The following OSBPL6 variants were observed in gnomAD, a reference collection of about 807,000 sequenced individuals.
OSBPL6 encodes the protein oxysterol-binding protein-related protein 6.
A neutral mutation model predicts 125.8 loss-of-function variants in OSBPL6; 49 were observed. The ratio of observed to expected loss-of-function variants is 0.39; its 90% CI spans 0.31 to 0.49. OSBPL6 has a LOEUF of 0.49. Ranked by LOEUF, OSBPL6 falls within the 20% of genes least tolerant of loss-of-function variation. OSBPL6 has a pLI of 0.88. For synonymous variants in OSBPL6, 394 were observed against 391.8 expected, an observed-to-expected ratio of 1.01 and a Z score of -0.07; for missense variants, 986 against 1,135.4, an observed-to-expected ratio of 0.87 and a Z score of 1.89.
chr2:178,330,932 CCT>C (rs996916071), intron 5 of OSBPL6, among the ~76,000 whole-genome samples: 2 of 152,102 alleles, frequency 1.3e-5, no homozygotes, highest in Non-Finnish European at 2.9e-5. Context: ...GCCAAAAACC[CCT>C]CTCTTTTTTT....
intron 1 of OSBPL6, among the ~76,000 whole-genome samples, chr2:178,236,375 GA>G (rs1267900663): frequency 6.6e-6 from 1 of 152,188 alleles, no homozygotes; most frequent in Non-Finnish European, 1.5e-5. Flanking sequence ...AGTGGTCAAA[GA>G]ATTCACAATG....
At chr2:178,329,503 C>G (rs1435867852) in intron 5 of OSBPL6, among the ~76,000 whole-genome samples, 5 of 151,924 alleles carry the variant, frequency 3.3e-5, no homozygotes, top group Non-Finnish European at 7.4e-5. Flanking sequence ...CAACCTCCAC[C>G]TCTCGGGTTC....
chr2:178,244,937 G>A (rs980802598), intron 1 of OSBPL6, among the ~76,000 whole-genome samples: 1 of 152,164 alleles, frequency 6.6e-6, no homozygotes, highest in Non-Finnish European at 1.5e-5. Flanking sequence ...TATTATCTCC[G>A]TAATAAAAAG....
At position 178,395,481 on chromosome 2, in the gene OSBPL6, C is replaced by T. The variant is rs1474736435; in HGVS notation, c.2727C>T (p.Ala909=). Residue 909 remains alanine, a synonymous_variant, in exon 25 of 25, where the codon GCC becomes GCT. Coordinates refer to ENST00000190611, the MANE Select transcript of OSBPL6 (RefSeq NM_032523.4). ...TTATTGATGCCAATCAAAGAGAAGC[C>T]TGGGTTTCTAACGACACCTACTGGG... ...KKVIDANQRE[A]WVSNDTYWEL... is the part of the protein sequence containing the mutation. 1.2e-6 allele frequency: 2 copies of T among 1,613,678 alleles called. No homozygotes were observed. The highest frequency in any genetic ancestry group is 4.5e-5 in the East Asian group (2 of 44,852).
At chr2:178,372,324 C>T (rs1693467660) in intron 14 of OSBPL6, 91 bp downstream of exon 14, 5 of 846,246 alleles carry the variant, frequency 5.9e-6, no homozygotes, top group Non-Finnish European at 9.1e-6. Flanking sequence ...AGTTCTTTCA[C>T]AGTTAATAAG....
At chr2:178,353,259 A>G (rs1041006862) in intron 12 of OSBPL6, among the ~76,000 whole-genome samples, 5 of 152,228 alleles carry the variant, frequency 3.3e-5, no homozygotes, top group African/African-American at 7.2e-5. Flanking sequence ...ATGAGTTGGC[A>G]TAAGTAGGCT....
At chr2:178,294,770 T>C (rs1648378434) in intron 2 of OSBPL6, among the ~76,000 whole-genome samples, 2 of 150,778 alleles carry the variant, frequency 1.3e-5, no homozygotes, top group East Asian at 2.0e-4. Context: ...CAAATCAAAA[T>C]TGTATATTTT....
intron 15 of OSBPL6, among the ~76,000 whole-genome samples, chr2:178,377,434 T>C (rs1245042220): frequency 6.6e-6 from 1 of 152,110 alleles, no homozygotes; most frequent in Non-Finnish European, 1.5e-5. Context: ...AGGCCCCACC[T>C]CCAACACTGG....
intron 16 of OSBPL6, 113 bp downstream of exon 16, chr2:178,382,620 CT>C: frequency 8.5e-7 from 1 of 1,171,532 alleles, no homozygotes; most frequent in Non-Finnish European, 1.2e-6. Context: ...GCTAATTGTT[CT>C]TTTGGCAGCT....
intron 15 of OSBPL6, among the ~76,000 whole-genome samples, chr2:178,375,098 A>G (rs1455079832): frequency 6.6e-6 from 1 of 152,214 alleles, no homozygotes; most frequent in Non-Finnish European, 1.5e-5. Flanking sequence ...GATGGACAGA[A>G]TAATCATCCT....
chr2:178,285,116 T>G lies in OSBPL6; in HGVS notation c.-161T>G, dbSNP rs1054347218. ...GACTTGGAAGACTTTGACTCCAAGG[T>G]GCAAGGTGAGTTAGAAGAACACAAG... On this transcript the variant is annotated 5_prime_UTR_variant, in exon 2 of 25. Transcript: ENST00000190611. 5.0e-6 allele frequency: 2 copies of G among 398,352 alleles called. No homozygotes were observed. Among genetic ancestry groups the G allele is most frequent in the Admixed American group, 8.8e-5 (2 of 22,710 alleles). The allele number at this position is 398,352 out of a possible 1,614,324, so 24.7% of individuals were successfully genotyped here. A position where few individuals can be genotyped will look rare whatever the true frequency, so the allele number is the denominator to read the frequency against.
At chr2:178,197,323 T>G (rs1040050133) in intron 1 of OSBPL6, among the ~76,000 whole-genome samples, 1 of 152,224 alleles carries the variant, frequency 6.6e-6, no homozygotes, top group Non-Finnish European at 1.5e-5. Flanking sequence ...ATGATGAACG[T>G]AAAACTTAGA....
intron 1 of OSBPL6, among the ~76,000 whole-genome samples, chr2:178,228,405 T>C (rs145307402): frequency 5.9e-5 from 9 of 152,204 alleles, no homozygotes; most frequent in African/African-American, 1.2e-4. Flanking sequence ...TGTGGTGGCG[T>C]GCGCCTGTAG....
intron 11 of OSBPL6, among the ~76,000 whole-genome samples, chr2:178,344,929 AGT>A (rs1382841420): frequency 1.3e-5 from 2 of 151,612 alleles, no homozygotes; most frequent in Non-Finnish European, 2.9e-5. Flanking sequence ...TAGAAACTGT[AGT>A]GTGGAAATGA....
chr2:178,255,020 C>T (rs1373853462), intron 1 of OSBPL6, among the ~76,000 whole-genome samples: 1 of 152,112 alleles, frequency 6.6e-6, no homozygotes, highest in Non-Finnish European at 1.5e-5. Flanking sequence ...AGAGGATGTG[C>T]AGTCCAGGAG....
At chr2:178,382,362 T>G in intron 15 of OSBPL6, 58 bp from the exon 16 acceptor site, 1 of 1,532,162 alleles carries the variant, frequency 6.5e-7, no homozygotes, top group Non-Finnish European at 8.8e-7. Flanking sequence ...CATTTGATTA[T>G]CTGAGCTTGC....
chr2:178,388,010 G>GAAA lies in OSBPL6; in HGVS notation c.2156+880_2156+882dup, dbSNP rs201366429. On this transcript the variant is annotated intron_variant, in intron 20 of 24. Coordinates refer to ENST00000190611, the MANE Select transcript of OSBPL6 (RefSeq NM_032523.4). ...CAGAGCAAGACTCCATCTCAAAAAA[G>GAAA]AAAAAAAAAAATGTATAAGGAAGAG... 7.8e-5 allele frequency among the ~76,000 whole-genome samples: 11 copies of GAAA among 141,918 alleles called. 1 individual carries two copies. The East Asian group carries it at 1.2e-3, about 16-fold the overall frequency. The allele number at this position is 141,918 out of a possible 152,430, so 93.1% of individuals were successfully genotyped here. A position where few individuals can be genotyped will look rare whatever the true frequency, so the allele number is the denominator to read the frequency against.
At chr2:178,228,308 GGCAT>G (rs2090652789) in intron 1 of OSBPL6, among the ~76,000 whole-genome samples, 1 of 152,154 alleles carries the variant, frequency 6.6e-6, no homozygotes, top group Non-Finnish European at 1.5e-5. Flanking sequence ...GGCCAAGGTG[GGCAT>G]ATCATGAGGT....
At chr2:178,310,002 G>A (rs781430972) in intron 3 of OSBPL6, among the ~76,000 whole-genome samples, 2 of 152,202 alleles carry the variant, frequency 1.3e-5, no homozygotes, top group Non-Finnish European at 2.9e-5. Context: ...ACACCGATAA[G>A]TCCCGAAGTA....
Sources: allele counts gnomAD v4.1 joint callset (sites outside exome capture counted in the v4.1 genomes callset), GRCh38; gene constraint gnomAD v4.1.1; transcripts MANE v1.5; gene names NCBI Gene and HGNC (gene_info 2026-07-23, HGNC 2026-07-21).